MCC: variants seen among roughly 807,000 people sequenced by gnomAD.
The protein encoded by MCC is colorectal mutant cancer protein.
MCC carries 90 observed loss-of-function variants against 116.2 expected under a neutral mutation model. That is an observed-to-expected ratio of 0.77 (90% confidence interval 0.65 to 0.92). The LOEUF is 0.92. MCC is among the 40% of genes least tolerant of loss of function. The pLI, the probability that MCC is intolerant of heterozygous loss-of-function variation, is 0.00. For missense variants in MCC, 1,516 were observed against 1,312.2 expected (o/e 1.16, Z -2.40); for synonymous variants, 578 against 510.5 (o/e 1.13, Z -1.78).
At chr5:113,433,350 C>T (rs878912660) in intron 1 of MCC, 5 of 404,272 alleles carry the variant, frequency 1.2e-5, no homozygotes, top group Admixed American at 3.3e-5. Context: ...GCAACTGCCC[C>T]GGGGACGATG....
intron 1 of MCC, among the ~76,000 whole-genome samples, chr5:113,417,341 G>T (rs113419379): frequency 6.6e-6 from 1 of 152,102 alleles, no homozygotes; most frequent in Admixed American, 6.5e-5. Flanking sequence ...AAATCTACAG[G>T]CATTTTAGGA....
chr5:113,092,058 T>G (rs920831966), intron 8 of MCC, among the ~76,000 whole-genome samples: 1 of 152,144 alleles, frequency 6.6e-6, no homozygotes, highest in Admixed American at 6.5e-5. Flanking sequence ...TGAATGCCAC[T>G]AAAAAACCTA....
At chr5:113,456,667 T>G (rs574078047) in intron 1 of MCC, among the ~76,000 whole-genome samples, 8 of 130,884 alleles carry the variant, frequency 6.1e-5, no homozygotes, top group African/African-American at 2.5e-4. Flanking sequence ...GAGACGAGGC[T>G]TCACCATGTT....
chr5:113,181,791 A>G (rs908729722), intron 3 of MCC, among the ~76,000 whole-genome samples: 1 of 152,210 alleles, frequency 6.6e-6, no homozygotes, highest in African/African-American at 2.4e-5. Context: ...AAAATAGAAA[A>G]AAAGAAAGAA....
chr5:113,094,885 C>G (rs1445068210), intron 8 of MCC, among the ~76,000 whole-genome samples: 5 of 152,162 alleles, frequency 3.3e-5, no homozygotes, highest in Non-Finnish European at 7.3e-5. Flanking sequence ...ATCTCCGTGG[C>G]TCAAGTGTGT....
intron 4 of MCC, among the ~76,000 whole-genome samples, chr5:113,146,464 C>T (rs576618616): frequency 1.4e-4 from 21 of 151,344 alleles, no homozygotes; most frequent in Admixed American, 7.9e-4. Flanking sequence ...GACCCTGAAA[C>T]GCCTCTGTGA....
At chr5:113,034,115 G>C (rs1258378716) in intron 17 of MCC, among the ~76,000 whole-genome samples, 1 of 147,102 alleles carries the variant, frequency 6.8e-6, no homozygotes, top group Non-Finnish European at 1.5e-5. Context: ...GCCCAGGCTG[G>C]TTGCAAACTA....
intron 1 of MCC, among the ~76,000 whole-genome samples, chr5:113,412,036 C>T (rs255865): frequency 0.46 from 69,333 of 152,030 alleles, 17,781 homozygotes; most frequent in African/African-American, 0.69. Context: ...AAAATCCTTT[C>T]CCCATTTCTT....
intron 8 of MCC, among the ~76,000 whole-genome samples, chr5:113,091,676 G>A (rs1311846905): frequency 6.6e-6 from 1 of 152,152 alleles, no homozygotes; most frequent in Non-Finnish European, 1.5e-5. Flanking sequence ...GACCCCAGGA[G>A]TTTGAGACCA....
At chr5:113,140,336 G>C (rs1216630905) in intron 5 of MCC, among the ~76,000 whole-genome samples, 1 of 152,184 alleles carries the variant, frequency 6.6e-6, no homozygotes, top group Non-Finnish European at 1.5e-5. Context: ...CTGTAGGAGG[G>C]AGAGCTCAGT....
intron 3 of MCC, chr5:113,294,211 T>A: frequency 7.8e-7 from 1 of 1,288,212 alleles, no homozygotes; most frequent in Non-Finnish European, 1.1e-6. Context: ...TTGCGCTGCC[T>A]CCAGACTGGG....
At chr5:113,177,975 ACTATTTC>A in intron 3 of MCC, among the ~76,000 whole-genome samples, 1 of 152,220 alleles carries the variant, frequency 6.6e-6, no homozygotes, top group African/African-American at 2.4e-5. Context: ...ATCTTAGAAG[ACTATTTC>A]ACTATGTTAA....
intron 13 of MCC, among the ~76,000 whole-genome samples, chr5:113,067,358 T>C (rs1753692230): frequency 1.3e-5 from 2 of 152,234 alleles, no homozygotes; most frequent in South Asian, 2.1e-4. Flanking sequence ...GTTTCAAAAC[T>C]ACTCAAAAGC....
At chr5:113,432,712 G>C (rs551905631) in intron 1 of MCC, 29 of 152,210 alleles carry the variant, frequency 1.9e-4, no homozygotes, top group Admixed American at 1.7e-3. Flanking sequence ...TAGCTGATTC[G>C]TTTGTCCATT....
chr5:113,103,143 T>TAAAGA lies in MCC; in HGVS notation c.1191+1044_1191+1048dup, dbSNP rs1278266467. 8.0e-3 allele frequency among the ~76,000 whole-genome samples: 1,208 copies of TAAAGA among 151,932 alleles called. 13 individuals carry two copies. Among genetic ancestry groups the TAAAGA allele is most frequent in the African/African-American group, 0.028 (1,146 of 41,448 alleles). ...AAAATAATAAAAATAATAAAAAGAA[T>TAAAGA]AAAGAAAAGAAAAGAAACAGAACGC... On this transcript the variant is annotated intron_variant, in intron 7 of 18. Transcript: ENST00000408903.
At chr5:113,167,911 T>G (rs75561638) in intron 3 of MCC, among the ~76,000 whole-genome samples, 3,383 of 152,298 alleles carry the variant, frequency 0.022, 51 homozygotes, top group Non-Finnish European at 0.034. Context: ...ATTACAGGTG[T>G]GACCCACTGC....
In MCC at chr5:113,220,061, TTC is replaced by T. The variant is rs1303376000; in HGVS notation, c.628-68641_628-68640del. On this transcript the variant is annotated intron_variant, in intron 3 of 18. Coordinates refer to ENST00000408903, the MANE Select transcript of MCC (RefSeq NM_001085377.2). ...TTGGAATCTGCATGTCAATTTCTTT[TTC>T]TTTTTTTTTTTTGAGACGGAGTCTT... Among the ~76,000 whole-genome samples the T allele has an allele frequency of 6.0e-5, 4 of 66,596 alleles. 1 individual carries two copies. The South Asian group carries it at 4.3e-3, about 72-fold the overall frequency. The allele number at this position is 66,596 out of a possible 152,430, so 43.7% of individuals were successfully genotyped here.
intron 3 of MCC, among the ~76,000 whole-genome samples, chr5:113,268,431 T>C (rs980790812): frequency 7.9e-5 from 12 of 152,214 alleles, no homozygotes; most frequent in African/African-American, 1.4e-4. Context: ...TCAATTTCCC[T>C]TGAACATTCC....
intron 3 of MCC, among the ~76,000 whole-genome samples, chr5:113,157,669 G>T (rs571679107): frequency 6.6e-6 from 1 of 152,320 alleles, no homozygotes; most frequent in East Asian, 1.9e-4. Context: ...CACTGCCAGC[G>T]TGCATCTATT....
Sources: allele counts gnomAD v4.1 joint callset (sites outside exome capture counted in the v4.1 genomes callset), GRCh38; gene constraint gnomAD v4.1.1; transcripts MANE v1.5; gene names NCBI Gene and HGNC (gene_info 2026-07-23, HGNC 2026-07-21).